MTMR12: variants seen among roughly 807,000 people sequenced by gnomAD.
The protein encoded by MTMR12 is myotubularin-related protein 12.
MTMR12 carries 33 observed loss-of-function variants against 96.7 expected under a neutral mutation model. The ratio of observed to expected loss-of-function variants is 0.34; its 90% CI spans 0.26 to 0.46. The LOEUF is 0.46. Ranked by LOEUF, MTMR12 falls within the 20% of genes least tolerant of loss-of-function variation. The pLI, the probability that MTMR12 is intolerant of heterozygous loss-of-function variation, is 1.00. For missense variants in MTMR12, 721 were observed against 896.1 expected, an observed-to-expected ratio of 0.80 and a Z score of 2.49; for synonymous variants, 298 against 327.2, an observed-to-expected ratio of 0.91 and a Z score of 0.96.
intron 1 of MTMR12, among the ~76,000 whole-genome samples, chr5:32,289,994 A>G (rs1750681858): frequency 6.6e-6 from 1 of 152,216 alleles, no homozygotes; most frequent in Non-Finnish European, 1.5e-5. Flanking sequence ...GATCTTGCAG[A>G]ATGACAGTGG....
chr5:32,261,820 C>T (rs142738253), intron 7 of MTMR12, among the ~76,000 whole-genome samples: 1 of 152,184 alleles, frequency 6.6e-6, no homozygotes. Flanking sequence ...CACCTGTAAT[C>T]CCAGCACTTT....
intron 1 of MTMR12, among the ~76,000 whole-genome samples, chr5:32,295,612 G>A (rs1317901608): frequency 6.6e-6 from 1 of 152,192 alleles, no homozygotes; most frequent in Non-Finnish European, 1.5e-5. Flanking sequence ...AATGATATAT[G>A]CCTAAATTAA....
At chr5:32,257,403 G>A (rs1430005445) in intron 7 of MTMR12, among the ~76,000 whole-genome samples, 2 of 152,172 alleles carry the variant, frequency 1.3e-5, no homozygotes, top group Non-Finnish European at 2.9e-5. Context: ...GATAACTGTT[G>A]AGTCTGGGTA....
chr5:32,276,879 T>G, intron 1 of MTMR12, 137 bp from the exon 2 acceptor site: 1 of 178,172 alleles, frequency 5.6e-6, no homozygotes. Context: ...GCTACTTTTT[T>G]TTTTTTTTTT....
chr5:32,238,887 C>A, intron 13 of MTMR12, 114 bp downstream of exon 13: 1 of 1,190,048 alleles, frequency 8.4e-7, no homozygotes, highest in African/African-American at 1.5e-5. Context: ...CTTAACAAAC[C>A]TGTTTGGCTT....
chr5:32,310,219 C>T (rs1441957911), intron 1 of MTMR12, among the ~76,000 whole-genome samples: 1 of 152,162 alleles, frequency 6.6e-6, no homozygotes, highest in Non-Finnish European at 1.5e-5. Flanking sequence ...GGGAAAATGG[C>T]TTGAGTACAG....
chr5:32,262,254 A>C (rs1364575514), intron 7 of MTMR12, among the ~76,000 whole-genome samples: 1 of 152,084 alleles, frequency 6.6e-6, no homozygotes, highest in Non-Finnish European at 1.5e-5. Context: ...AATATACCCA[A>C]GAAAAATAAA....
chr5:32,236,851 AG>A (rs1156585569), intron 13 of MTMR12, among the ~76,000 whole-genome samples: 2 of 144,648 alleles, frequency 1.4e-5, no homozygotes, highest in Admixed American at 6.8e-5. Flanking sequence ...AAAAAAAAAA[AG>A]AAAAGAAAAG....
At chr5:32,259,357 G>A (rs1466180542) in intron 7 of MTMR12, among the ~76,000 whole-genome samples, 3 of 152,104 alleles carry the variant, frequency 2.0e-5, no homozygotes, top group African/African-American at 4.8e-5. Context: ...TTTGTTAGGA[G>A]GAGAATGAAA....
At chr5:32,294,316 T>G (rs1750844492) in intron 1 of MTMR12, among the ~76,000 whole-genome samples, 1 of 152,154 alleles carries the variant, frequency 6.6e-6, no homozygotes, top group Non-Finnish European at 1.5e-5. Context: ...TCCTTTTTTT[T>G]TTTAAAGACA....
intron 1 of MTMR12, among the ~76,000 whole-genome samples, chr5:32,303,980 C>G (rs1354717459): frequency 2.6e-5 from 4 of 151,732 alleles, no homozygotes; most frequent in African/African-American, 9.7e-5. Flanking sequence ...AGCATAATAT[C>G]TTCACACATG....
chr5:32,300,004 C>T (rs1751078578), intron 1 of MTMR12, among the ~76,000 whole-genome samples: 1 of 152,152 alleles, frequency 6.6e-6, no homozygotes, highest in African/African-American at 2.4e-5. Flanking sequence ...CTCTGTGCCC[C>T]CAGAGCACTT....
At chr5:32,296,387 G>T (rs551594418) in intron 1 of MTMR12, 1 of 210,732 alleles carries the variant, frequency 4.7e-6, no homozygotes, top group South Asian at 5.0e-5. Context: ...GCTAAGGCAG[G>T]AAGATTGCTT....
rs943168933 is a variant in MTMR12 at position 32,281,729 on chromosome 5, G to A, written c.82-4987C>T. 3.3e-5 allele frequency among the ~76,000 whole-genome samples: 5 copies of A among 151,870 alleles called. No homozygotes were observed. The South Asian group carries it at 1.0e-3, about 32-fold the overall frequency. Reference sequence around the variant, plus strand: ...AGCCTGACCAACGTGCTGAAACCCCGTCTCTACTGAAAATATAAAAATTAG... The same window carrying A: ...AGCCTGACCAACGTGCTGAAACCCCATCTCTACTGAAAATATAAAAATTAG... On this transcript the variant is annotated intron_variant, in intron 1 of 15. Coordinates refer to ENST00000382142, the MANE Select transcript of MTMR12 (RefSeq NM_001040446.3).
intron 1 of MTMR12, among the ~76,000 whole-genome samples, chr5:32,278,453 G>C (rs1051740865): frequency 6.6e-6 from 1 of 152,100 alleles, no homozygotes; most frequent in African/African-American, 2.4e-5. Flanking sequence ...CTGAAATATG[G>C]CATTAGAAGA....
intron 13 of MTMR12, among the ~76,000 whole-genome samples, chr5:32,236,838 C>CA (rs111843533): frequency 0.06 from 7,013 of 117,074 alleles, 549 homozygotes; most frequent in African/African-American, 0.19. Flanking sequence ...ACTCCTTCTC[C>CA]AAAAAAAAAA....
intron 1 of MTMR12, among the ~76,000 whole-genome samples, chr5:32,277,527 C>T (rs563773863): frequency 2.0e-5 from 3 of 152,134 alleles, no homozygotes; most frequent in Non-Finnish European, 2.9e-5. Context: ...GGCAAAACCC[C>T]GTCTCTACTA....
rs139057559 is a variant in MTMR12 at position 32,281,203 on chromosome 5, G to A, written c.82-4461C>T. Among the ~76,000 whole-genome samples, 278 of 147,014 alleles carry A rather than the reference G, an allele frequency of 1.9e-3. 1 individual carries two copies. Among genetic ancestry groups the A allele is most frequent in the African/African-American group, 6.4e-3 (252 of 39,618 alleles). ...GTGGAGGTTGCAGTGAGCTGAGATC[G>A]TGCCACTGCACTCCAGCCTGGGCAA... On this transcript the variant is annotated intron_variant, in intron 1 of 15. Coordinates refer to ENST00000382142, the MANE Select transcript of MTMR12 (RefSeq NM_001040446.3).
intron 1 of MTMR12, among the ~76,000 whole-genome samples, chr5:32,285,290 G>A (rs1441137264): frequency 6.6e-6 from 1 of 151,632 alleles, no homozygotes; most frequent in Non-Finnish European, 1.5e-5. Flanking sequence ...CCTGGGAGAC[G>A]GAGGTTGCAG....
Sources: gnomAD v4.1 joint callset for allele counts (sites outside exome capture counted in the v4.1 genomes callset) on GRCh38, gnomAD v4.1.1 for gene constraint, MANE v1.5 for transcripts, NCBI Gene and HGNC (gene_info 2026-07-23, HGNC 2026-07-21) for gene names.